The following LGMN variants were observed in gnomAD, a reference collection of about 807,000 sequenced individuals.
The protein encoded by LGMN is legumain, also known as asparaginyl endopeptidase.
A neutral mutation model predicts 56.8 loss-of-function variants in LGMN; 36 were observed. The observed-to-expected ratio is 0.63, with a 90% CI of 0.49 to 0.84. The LOEUF is 0.84. LGMN is among the 40% of genes least tolerant of loss of function. The pLI is 0.00. For missense variants in LGMN, 446 were observed against 556.1 expected (o/e 0.80, Z 1.99); for synonymous variants, 199 against 210.1 (o/e 0.95, Z 0.46).
intron 2 of LGMN, among the ~76,000 whole-genome samples, chr14:92,719,332 A>ACCACCGCCGCCG (rs1566924714): frequency 1.2e-5 from 1 of 83,390 alleles, no homozygotes; most frequent in African/African-American, 5.5e-5. Flanking sequence ...CGCCACCGCC[A>ACCACCGCCGCCG]CCGCCATCAC....
At chr14:92,712,896 G>A (rs1462646674) in intron 7 of LGMN, 25 bp from the exon 8 acceptor site, 1 of 1,609,410 alleles carries the variant, frequency 6.2e-7, no homozygotes, top group South Asian at 1.1e-5. Flanking sequence ...GGGCAGGTGA[G>A]CTCACCCCAT....
rs879163333 is a variant in LGMN at position 92,703,903 on chromosome 14, A to G, written c.*416T>C. The G allele has an allele frequency of 8.3e-6, 4 of 480,776 alleles. No individual in the cohort carries two copies. The highest frequency in any genetic ancestry group is 4.0e-5 in the African/African-American group (2 of 50,542). The allele number at this position is 480,776 out of a possible 1,614,324, so 29.8% of individuals were successfully genotyped here. On this transcript the variant is annotated 3_prime_UTR_variant, in exon 14 of 14. Transcript: ENST00000334869. ...AAAAATCATCATATTTTCTAAAAAC[A>G]GTTTTCCATTTGGGGCTTGCGGCCC...
intron 2 of LGMN, among the ~76,000 whole-genome samples, chr14:92,731,161 G>A (rs2140259986): frequency 6.6e-6 from 1 of 152,214 alleles, no homozygotes; most frequent in African/African-American, 2.4e-5. Flanking sequence ...TGGACCAATG[G>A]CACATAACCC....
chr14:92,730,495 T>C (rs905941652), intron 2 of LGMN, among the ~76,000 whole-genome samples: 1 of 152,172 alleles, frequency 6.6e-6, no homozygotes, highest in South Asian at 2.1e-4. Flanking sequence ...GGTGCGATAA[T>C]AGCTCACGGC....
intron 1 of LGMN, 60 bp from the exon 2 acceptor site, chr14:92,732,875 GC>G: frequency 2.2e-6 from 3 of 1,394,916 alleles, no homozygotes; most frequent in Non-Finnish European, 2.9e-6. Context: ...CATTGGCTGG[GC>G]GCGGTGGCTC....
chr14:92,739,377 A>G (rs1156591060), intron 1 of LGMN, among the ~76,000 whole-genome samples: 1 of 152,100 alleles, frequency 6.6e-6, no homozygotes, highest in Non-Finnish European at 1.5e-5. Flanking sequence ...CCCATTACAC[A>G]GGCCTCATCT....
At chr14:92,716,018 C>A in intron 5 of LGMN, 118 bp downstream of exon 5, 1 of 685,374 alleles carries the variant, frequency 1.5e-6, no homozygotes, top group Non-Finnish European at 2.5e-6. Context: ...CAAAACTCTC[C>A]ACTCTGTAAT....
intron 1 of LGMN, among the ~76,000 whole-genome samples, chr14:92,743,801 CAAA>C (rs397853236): frequency 9.5e-5 from 9 of 94,952 alleles, no homozygotes; most frequent in Admixed American, 2.5e-4. Flanking sequence ...GACTCTGTCT[CAAA>C]AAAAAAAAAA....
chr14:92,709,294 C>T (rs1006889217), intron 11 of LGMN, among the ~76,000 whole-genome samples: 9 of 152,122 alleles, frequency 5.9e-5, no homozygotes, highest in Middle Eastern at 3.4e-3. Context: ...CGCACGCCAC[C>T]GTACCTGTCT....
chr14:92,706,474 C>A lies in LGMN; in HGVS notation c.1191+9G>T. On this transcript the variant is annotated intron_variant, in intron 12 of 13. Transcript: ENST00000334869. The stretch of plus-strand genomic sequence containing the variant: ...GGATTCTGGTCATGGGGAGAGCCTG[C>A]TGGCTCACCGTGGGGGAGTGCCAGT... 1.3e-6 allele frequency: 2 copies of A among 1,511,826 alleles called. No individual in the cohort carries two copies. Among genetic ancestry groups the A allele is most frequent in the Non-Finnish European group, 1.8e-6 (2 of 1,116,288 alleles). The allele number at this position is 1,511,826 out of a possible 1,614,324, so 93.7% of individuals were successfully genotyped here.
At chr14:92,745,129 C>T (rs1891762298) in intron 1 of LGMN, among the ~76,000 whole-genome samples, 2 of 152,048 alleles carry the variant, frequency 1.3e-5, no homozygotes, top group African/African-American at 4.8e-5. Flanking sequence ...GAGACCCAGT[C>T]TCTACAAAAA....
intron 2 of LGMN, among the ~76,000 whole-genome samples, chr14:92,730,334 T>C (rs980016420): frequency 2.0e-5 from 3 of 152,224 alleles, no homozygotes; most frequent in Admixed American, 2.0e-4. Flanking sequence ...ATTCGAGAAA[T>C]GAGTTATTCA....
intron 5 of LGMN, 70 bp downstream of exon 5, chr14:92,716,066 C>G (rs1224855654): frequency 9.7e-7 from 1 of 1,032,242 alleles, no homozygotes; most frequent in Admixed American, 2.1e-5. Flanking sequence ...CAGAACAACA[C>G]CTGTTTCAAT....
chr14:92,742,647 G>C (rs533918263), intron 1 of LGMN, among the ~76,000 whole-genome samples: 1 of 152,242 alleles, frequency 6.6e-6, no homozygotes, highest in Admixed American at 6.5e-5. Context: ...TGCAGTCCCA[G>C]CTACTTAGGA....
At chr14:92,739,588 T>A (rs1891459261) in intron 1 of LGMN, among the ~76,000 whole-genome samples, 1 of 152,016 alleles carries the variant, frequency 6.6e-6, no homozygotes, top group African/African-American at 2.4e-5. Context: ...AGACAGACCA[T>A]TTAAAAACAT....
rs534264178 is a variant in LGMN at position 92,705,070 on chromosome 14, C to T, written c.1192-363G>A. Among the ~76,000 whole-genome samples the T allele has an allele frequency of 6.6e-5, 10 of 152,262 alleles. No homozygotes were observed. In the East Asian group the frequency reaches 1.4e-3, roughly 21 times the overall value. Reference sequence around the variant, plus strand: ...ACACGCCAGCGAGGGAGATGGACGGCGTGTGAAAGCCACGCTGGATCACAC... The same window carrying T: ...ACACGCCAGCGAGGGAGATGGACGGTGTGTGAAAGCCACGCTGGATCACAC... On this transcript the variant is annotated intron_variant, in intron 12 of 13. Coordinates refer to ENST00000334869, the MANE Select transcript of LGMN (RefSeq NM_005606.7).
chr14:92,721,228 T>C (rs959342297), intron 2 of LGMN, among the ~76,000 whole-genome samples: 4 of 152,170 alleles, frequency 2.6e-5, no homozygotes, highest in Non-Finnish European at 5.9e-5. Flanking sequence ...CTTTTGTATG[T>C]GGAGACAGAG....
At chr14:92,716,316 A>T in intron 4 of LGMN, 95 bp from the exon 5 acceptor site, 3 of 872,800 alleles carry the variant, frequency 3.4e-6, no homozygotes, top group Non-Finnish European at 5.8e-6. Flanking sequence ...CAGCCTGCAC[A>T]TTCCAAGGCT....
intron 4 of LGMN, among the ~76,000 whole-genome samples, chr14:92,716,543 G>A (rs1890086632): frequency 1.3e-5 from 2 of 152,184 alleles, no homozygotes; most frequent in South Asian, 4.1e-4. Flanking sequence ...TGAGGCAGGA[G>A]AATCACTTGA....
Sources: allele counts gnomAD v4.1 joint callset (sites outside exome capture counted in the v4.1 genomes callset), GRCh38; gene constraint gnomAD v4.1.1; transcripts MANE v1.5; gene names NCBI Gene and HGNC (gene_info 2026-07-23, HGNC 2026-07-21).